The following DENND4B variants were observed in gnomAD, a reference collection of about 807,000 sequenced individuals.
DENND4B encodes DENN domain containing 4B.
In DENND4B, 67 loss-of-function variants were observed where a neutral mutation model predicts 161.0. The ratio of observed to expected loss-of-function variants is 0.42; its 90% CI spans 0.34 to 0.51. The LOEUF (loss-of-function observed/expected upper bound fraction) is 0.51. Among genes scored for constraint, DENND4B ranks in the 20% least tolerant of loss-of-function variants. The pLI, the probability that DENND4B is intolerant of heterozygous loss-of-function variation, is 0.08. For missense variants in DENND4B, 1,481 were observed against 1,968.0 expected (o/e 0.75, Z 4.68); for synonymous variants, 753 against 813.8 (o/e 0.93, Z 1.27).
At chr1:153,935,105 A>T (rs1295594374) in intron 17 of DENND4B, 141 bp from the exon 18 acceptor site, 1 of 1,449,988 alleles carries the variant, frequency 6.9e-7, no homozygotes, top group African/African-American at 1.4e-5. Flanking sequence ...TGGCTCAGCC[A>T]GGAACAAGAG....
In DENND4B at chr1:153,935,985, G is replaced by A. The variant is rs749895853; in HGVS notation, c.2568+75C>T. 1.5e-5 allele frequency: 24 copies of A among 1,566,298 alleles called. 1 individual carries two copies. Among genetic ancestry groups the A allele is most frequent in the Middle Eastern group, 3.4e-4 (2 of 5,896 alleles). ...AGTACCAGCCCAATCTCCAAGGAGCGAGGGGAGCAGCAGCAGCCTCCCCTC... is the reference window on the plus strand; with the variant it reads ...AGTACCAGCCCAATCTCCAAGGAGCAAGGGGAGCAGCAGCAGCCTCCCCTC... On this transcript the variant is annotated intron_variant, in intron 17 of 27. Coordinates refer to ENST00000361217, the MANE Select transcript of DENND4B (RefSeq NM_014856.3).
intron 1 of DENND4B, among the ~76,000 whole-genome samples, chr1:153,945,870 G>A (rs1679934060): frequency 6.6e-6 from 1 of 152,264 alleles, no homozygotes; most frequent in East Asian, 1.9e-4. Context: ...TTCTCCCTAG[G>A]GAAGACAACG....
chr1:153,935,835 C>T, intron 17 of DENND4B: 2 of 528,068 alleles, frequency 3.8e-6, no homozygotes, highest in Non-Finnish European at 3.4e-6. Flanking sequence ...TAGCGGCTGA[C>T]ACTATTAGTT....
chr1:153,940,399 C>A lies in DENND4B; in HGVS notation c.1502+32G>T. ...CACTAGCCCATTCCTGCCCACCACCCTGCAGCCCCCAAATGAGACCCAGCC... is the reference window on the plus strand; with the variant it reads ...CACTAGCCCATTCCTGCCCACCACCATGCAGCCCCCAAATGAGACCCAGCC... On this transcript the variant is annotated intron_variant, in intron 10 of 27. Transcript: ENST00000361217. This position sits in a 1 kb window ranked among gnomAD's most constrained non-coding sequence, Gnocchi z 5.6. 1 of 1,603,972 alleles carries A rather than the reference C, an allele frequency of 6.2e-7. No individual in the cohort carries two copies. The highest frequency in any genetic ancestry group is 8.5e-7 in the Non-Finnish European group (1 of 1,174,842).
chr1:153,941,527 C>G, intron 6 of DENND4B, 87 bp from the exon 7 acceptor site: 1 of 1,454,558 alleles, frequency 6.9e-7, no homozygotes, highest in South Asian at 1.4e-5. Flanking sequence ...CACTTGTTCT[C>G]AAGAACCTTA....
intron 17 of DENND4B, 97 bp downstream of exon 17, chr1:153,935,963 A>G: frequency 6.8e-7 from 1 of 1,480,794 alleles, no homozygotes; most frequent in Non-Finnish European, 9.2e-7. Flanking sequence ...GGCAAACAGT[A>G]CCAGCCCAAT....
Position 153,941,947 on chromosome 1 carries a change from G to A in DENND4B, c.977C>T (p.Ala326Val), listed in dbSNP as rs1255892255. 1.2e-6 allele frequency: 2 copies of A among 1,612,292 alleles called. No individual in the cohort carries two copies. The highest frequency in any genetic ancestry group is 1.7e-6 in the Non-Finnish European group (2 of 1,179,866). ...GAGGAAGGCGCGGAAGGCAGGGAAG[G>A]CAGGCCAGCGGGACAGCACAGCGAT... Reference protein sequence around the residue: ...RAIAVLSRWPAFPAFRAFLTF... With the variant: ...RAIAVLSRWPVFPAFRAFLTF... Residue 326 changes from alanine to valine, a missense_variant, in exon 6 of 28, where the codon GCC becomes GTC. This residue lies in a region of DENND4B where 806 missense variants were observed against 1,134.4 expected (regional missense o/e 0.71). Coordinates refer to ENST00000361217, the MANE Select transcript of DENND4B (RefSeq NM_014856.3).
intron 1 of DENND4B, among the ~76,000 whole-genome samples, chr1:153,945,926 G>A (rs79753299): frequency 0.05 from 7,607 of 152,276 alleles, 348 homozygotes; most frequent in South Asian, 0.17. Context: ...GCCGGGTGAC[G>A]GGAAGTTCGG....
intron 11 of DENND4B, 84 bp from the exon 12 acceptor site, chr1:153,939,888 C>T: frequency 7.2e-7 from 1 of 1,382,454 alleles, no homozygotes; most frequent in Non-Finnish European, 1.0e-6. Context: ...ATCTCCACCT[C>T]CAGCCTCTGG....
Position 153,939,876 on chromosome 1 carries a change from C to T in DENND4B, c.1604-72G>A. The T allele has an allele frequency of 2.8e-6, 4 of 1,443,650 alleles. No homozygotes were observed. The South Asian group carries it at 4.8e-5, about 17-fold the overall frequency. 89.4% of individuals were successfully genotyped at this position (1,443,650 alleles called of 1,614,324 possible). A position where few individuals can be genotyped will look rare whatever the true frequency, so the allele number is the denominator to read the frequency against. On this transcript the variant is annotated intron_variant, in intron 11 of 27. Transcript: ENST00000361217. ...TACCCTCAACTCTGCTCTCATGCCT[C>T]CATCTCCACCTCCAGCCTCTGGCAG...
intron 13 of DENND4B, 150 bp downstream of exon 13, chr1:153,938,750 A>T (rs1679496422): frequency 4.7e-6 from 2 of 424,404 alleles, no homozygotes; most frequent in African/African-American, 2.1e-5. Flanking sequence ...ATTAAAAATT[A>T]AAATAAATAA....
rs1679152934 is a variant in DENND4B, at chr1:153,934,028, C to T, written c.2941+107G>A. The T allele has an allele frequency of 2.0e-6, 3 of 1,464,962 alleles. No individual in the cohort carries two copies. Among genetic ancestry groups the T allele is most frequent in the Admixed American group, 2.8e-5 (1 of 35,806 alleles). 90.7% of individuals were successfully genotyped at this position (1,464,962 alleles called of 1,614,324 possible). ...AGATTCCCTCAGAATCTACAGCACC[C>T]ACCACAGAGGGCCGCCCTCCACTCT... On this transcript the variant is annotated intron_variant, in intron 19 of 27. Coordinates refer to ENST00000361217, the MANE Select transcript of DENND4B (RefSeq NM_014856.3). The surrounding 1 kb of genome is among the most constrained non-coding windows in gnomAD (Gnocchi z 5.3).
Position 153,934,429 on chromosome 1 carries a change from G to T in DENND4B, c.2774-127C>A. On this transcript the variant is annotated intron_variant, in intron 18 of 27. Coordinates refer to ENST00000361217, the MANE Select transcript of DENND4B (RefSeq NM_014856.3). The surrounding 1 kb of genome is among the most constrained non-coding windows in gnomAD (Gnocchi z 5.3). ...CCAGGCAAAACTTTATCCGTTTTGT[G>T]TTTGTTTGTTTGTTTGTTTTGTTTT... 7.9e-7 allele frequency: 1 copy of T among 1,263,512 alleles called. No individual in the cohort carries two copies. Among genetic ancestry groups the T allele is most frequent in the South Asian group, 1.5e-5 (1 of 65,670 alleles). The allele number at this position is 1,263,512 out of a possible 1,614,324, so 78.3% of individuals were successfully genotyped here.
At position 153,934,503 on chromosome 1, in the gene DENND4B, G is replaced by A. The variant is rs575155178; in HGVS notation, c.2774-201C>T. On this transcript the variant is annotated intron_variant, in intron 18 of 27. Transcript: ENST00000361217. The surrounding 1 kb of genome is among the most constrained non-coding windows in gnomAD (Gnocchi z 5.3). ...CTGTAGCTAGGTGGAGTGCAGTGGC[G>A]CCATCTCAGCTCACTGCAACCTCTG... Among the ~76,000 whole-genome samples, 28 of 152,082 alleles carry A rather than the reference G, an allele frequency of 1.8e-4. No individual in the cohort carries two copies. Among genetic ancestry groups the A allele is most frequent in the Admixed American group, 4.6e-4 (7 of 15,272 alleles).
At chr1:153,941,776 C>CGGG in intron 6 of DENND4B, 93 bp downstream of exon 6, 16 of 509,968 alleles carry the variant, frequency 3.1e-5, no homozygotes, top group East Asian at 1.0e-4. Flanking sequence ...CTGTGCCCAG[C>CGGG]CCTCCCCCCA....
intron 24 of DENND4B, among the ~76,000 whole-genome samples, chr1:153,931,311 G>A (rs767725042): frequency 3.3e-5 from 5 of 152,128 alleles, no homozygotes; most frequent in African/African-American, 1.2e-4. Context: ...CTGGTGGAAC[G>A]AATAGACAAA....
Position 153,940,914 on chromosome 1 carries a change from G to T in DENND4B, c.1316C>A (p.Ala439Asp), listed in dbSNP as rs764031276. The change falls in exon 9 of 28, where the codon GCC (alanine) becomes GAC (aspartate). Residue 439 changes from alanine to aspartate, a missense_variant. Ala to Asp is a moderately radical substitution (Grantham distance 126). This residue lies in a region of DENND4B where 806 missense variants were observed against 1,134.4 expected (regional missense o/e 0.71). Coordinates refer to ENST00000361217, the MANE Select transcript of DENND4B (RefSeq NM_014856.3). This position sits in a 1 kb window ranked among gnomAD's most constrained non-coding sequence, Gnocchi z 5.6. ...RPDLLTSVCE[A>D]LVSMIFPLHW... ...CGGGGCGGCACTCACCGAGACGAGGGCCTCACAGACGCTGGTGAGCAGGTC... is the reference window on the plus strand; with the variant it reads ...CGGGGCGGCACTCACCGAGACGAGGTCCTCACAGACGCTGGTGAGCAGGTC... 6.3e-7 allele frequency: 1 copy of T among 1,575,740 alleles called. No individual in the cohort carries two copies. The highest frequency in any genetic ancestry group is 8.6e-7 in the Non-Finnish European group (1 of 1,164,976).
intron 2 of DENND4B, 145 bp from the exon 3 acceptor site, chr1:153,943,275 T>C (rs1167540241): frequency 5.1e-6 from 6 of 1,171,518 alleles, no homozygotes; most frequent in South Asian, 1.6e-5. Flanking sequence ...CACCTCTTCT[T>C]GCTGAACTCT....
Position 153,939,735 on chromosome 1 carries a change from C to G in DENND4B, c.1673G>C (p.Arg558Pro). 6.2e-7 allele frequency: 1 copy of G among 1,613,934 alleles called. No homozygotes were observed. Among genetic ancestry groups the G allele is most frequent in the Non-Finnish European group, 8.5e-7 (1 of 1,179,888 alleles). The stretch of plus-strand genomic sequence containing the variant: ...GACTTCGCGCTCCAGCCGGGCCCTG[C>G]GGCCACACACTGCCTCGTAGTCTGT... ...LLTDYEAVCG[R>P]RARLEREVQG... The change falls in exon 12 of 28, where the codon CGC becomes CCC. Residue 558 changes from arginine (R) to proline (P), a missense_variant. By Grantham distance (103) the Arg-to-Pro change is moderately radical (BLOSUM62 -2). Transcript: ENST00000361217.
Sources: allele counts gnomAD v4.1 joint callset (sites outside exome capture counted in the v4.1 genomes callset), GRCh38; gene constraint gnomAD v4.1.1; regional missense constraint gnomAD v4.1.1; non-coding constraint Gnocchi (gnomAD v3.1); transcripts MANE v1.5; gene names NCBI Gene and HGNC (gene_info 2026-07-23, HGNC 2026-07-21).